CAMK2D: variants seen among roughly 807,000 people sequenced by gnomAD.
CAMK2D encodes calcium/calmodulin-dependent protein kinase type II subunit delta.
A neutral mutation model predicts 84.0 loss-of-function variants in CAMK2D; 37 were observed. The observed-to-expected ratio is 0.44, with a 90% CI of 0.34 to 0.58. CAMK2D has a LOEUF of 0.58. Ranked by LOEUF, CAMK2D falls within the 20% of genes least tolerant of loss-of-function variation. The pLI is 0.02. For missense variants in CAMK2D, 448 were observed against 652.5 expected, an observed-to-expected ratio of 0.69 and a Z score of 3.41; for synonymous variants, 202 against 212.5, an observed-to-expected ratio of 0.95 and a Z score of 0.43.
At chr4:113,561,398 C>CAG (rs926785656) in intron 4 of CAMK2D, among the ~76,000 whole-genome samples, 9 of 152,072 alleles carry the variant, frequency 5.9e-5, no homozygotes, top group Non-Finnish European at 1.3e-4. Context: ...TGCTAGAGCC[C>CAG]AGAGGGTAGA....
chr4:113,756,380 G>C (rs1013589994), intron 2 of CAMK2D, among the ~76,000 whole-genome samples: 17 of 151,902 alleles, frequency 1.1e-4, no homozygotes, highest in African/African-American at 4.1e-4. Flanking sequence ...ATAGACTAAA[G>C]GCTTGGGTAT....
chr4:113,479,909 G>C (rs1455120719), intron 16 of CAMK2D, among the ~76,000 whole-genome samples: 5 of 152,054 alleles, frequency 3.3e-5, no homozygotes, highest in Admixed American at 2.6e-4. Context: ...TTTTCAGGTT[G>C]AGCCATATGA....
At chr4:113,708,710 AG>A (rs1286993119) in intron 2 of CAMK2D, among the ~76,000 whole-genome samples, 3 of 152,066 alleles carry the variant, frequency 2.0e-5, no homozygotes, top group African/African-American at 7.2e-5. Context: ...TCAAAATAAA[AG>A]GTTTTGTTGT....
intron 2 of CAMK2D, among the ~76,000 whole-genome samples, chr4:113,662,876 C>G (rs1193080616): frequency 6.6e-6 from 1 of 152,156 alleles, no homozygotes; most frequent in Non-Finnish European, 1.5e-5. Flanking sequence ...CTCTGAAAAC[C>G]ACTCGTCTGT....
chr4:113,653,454 A>C (rs1356750935), intron 3 of CAMK2D, among the ~76,000 whole-genome samples: 1 of 152,100 alleles, frequency 6.6e-6, no homozygotes, highest in Non-Finnish European at 1.5e-5. Flanking sequence ...TAGAGAAAGT[A>C]GTTAACAAGA....
chr4:113,592,774 A>G (rs1184818167), intron 4 of CAMK2D, among the ~76,000 whole-genome samples: 1 of 152,182 alleles, frequency 6.6e-6, no homozygotes, highest in Non-Finnish European at 1.5e-5. Context: ...CCTCCAGCTA[A>G]TGAATTATTA....
chr4:113,618,713 C>A (rs1209841121), intron 3 of CAMK2D, among the ~76,000 whole-genome samples: 2 of 151,962 alleles, frequency 1.3e-5, no homozygotes, highest in Non-Finnish European at 2.9e-5. Flanking sequence ...ATAATACATG[C>A]AAAAGAAGTA....
At chr4:113,619,326 C>A (rs899639426) in intron 3 of CAMK2D, among the ~76,000 whole-genome samples, 1 of 152,060 alleles carries the variant, frequency 6.6e-6, no homozygotes, top group South Asian at 2.1e-4. Context: ...GTGTTTCTAC[C>A]CTGCCCTCTC....
chr4:113,533,318 G>A (rs936964742), intron 7 of CAMK2D, among the ~76,000 whole-genome samples: 11 of 151,920 alleles, frequency 7.2e-5, no homozygotes, highest in Non-Finnish European at 1.0e-4. Flanking sequence ...AAGAATGTAC[G>A]GTACAATGTG....
chr4:113,525,620 C>T (rs1026186637), intron 8 of CAMK2D, among the ~76,000 whole-genome samples: 3 of 152,098 alleles, frequency 2.0e-5, no homozygotes, highest in African/African-American at 7.2e-5. Flanking sequence ...TCGAGATTTC[C>T]TGTGTGCAGA....
At chr4:113,640,599 ACAT>A (rs1184938768) in intron 3 of CAMK2D, among the ~76,000 whole-genome samples, 1 of 152,232 alleles carries the variant, frequency 6.6e-6, no homozygotes, top group Admixed American at 6.5e-5. Context: ...CTATAGAGAG[ACAT>A]CAAGTAAGAC....
intron 8 of CAMK2D, among the ~76,000 whole-genome samples, chr4:113,524,894 G>A (rs2098404758): frequency 6.6e-6 from 1 of 152,240 alleles, no homozygotes; most frequent in Non-Finnish European, 1.5e-5. Context: ...AAGGCTCCAT[G>A]AACTGAAGAC....
intron 3 of CAMK2D, among the ~76,000 whole-genome samples, chr4:113,638,424 T>G (rs531435210): frequency 6.6e-6 from 1 of 152,254 alleles, no homozygotes; most frequent in South Asian, 2.1e-4. Flanking sequence ...AAGTATATTA[T>G]TTTCTTTTCT....
chr4:113,650,965 T>A (rs2099170296), intron 3 of CAMK2D, among the ~76,000 whole-genome samples: 1 of 152,180 alleles, frequency 6.6e-6, no homozygotes, highest in Non-Finnish European at 1.5e-5. Context: ...ACAAAAATTT[T>A]TCCTCTTATT....
chr4:113,614,538 A>G (rs1423316414), intron 3 of CAMK2D, among the ~76,000 whole-genome samples: 1 of 152,206 alleles, frequency 6.6e-6, no homozygotes, highest in Non-Finnish European at 1.5e-5. Flanking sequence ...TTCGATTGGA[A>G]GACAAGAGGC....
intron 4 of CAMK2D, among the ~76,000 whole-genome samples, chr4:113,567,701 T>TA (rs1205805084): frequency 6.6e-6 from 1 of 152,228 alleles, no homozygotes; most frequent in Non-Finnish European, 1.5e-5. Context: ...CTTAGCTATT[T>TA]AGCTGTGTGA....
In CAMK2D at chr4:113,463,640, C is replaced by T. The variant is rs181037046; in HGVS notation, c.1211+1889G>A. On this transcript the variant is annotated intron_variant, in intron 17 of 20. Transcript: ENST00000511664. ...ATCTGCCTGCCTTGGCCTCCCAAAG[C>T]GCTAGGATTACAGGCGTGAGACATC... Among the ~76,000 whole-genome samples the T allele has an allele frequency of 8.1e-4, 123 of 152,238 alleles. 1 individual carries two copies. Among genetic ancestry groups the T allele is most frequent in the African/African-American group, 1.8e-3 (75 of 41,552 alleles).
intron 6 of CAMK2D, among the ~76,000 whole-genome samples, chr4:113,543,292 A>G (rs1343875170): frequency 6.6e-6 from 1 of 152,102 alleles, no homozygotes; most frequent in Non-Finnish European, 1.5e-5. Context: ...CTTTGACCTA[A>G]TATTTTTCTG....
chr4:113,501,898 G>T (rs1285288768), intron 15 of CAMK2D, among the ~76,000 whole-genome samples: 1 of 152,064 alleles, frequency 6.6e-6, no homozygotes, highest in African/African-American at 2.4e-5. Flanking sequence ...TAGACCATTT[G>T]CAGTGTCATG....
Sources: allele counts gnomAD v4.1 joint callset (sites outside exome capture counted in the v4.1 genomes callset), GRCh38; gene constraint gnomAD v4.1.1; transcripts MANE v1.5; gene names NCBI Gene and HGNC (gene_info 2026-07-23, HGNC 2026-07-21).